Variants in STX17 observed in about 807,000 individuals in gnomAD.
STX17 encodes the protein syntaxin 17.
A neutral mutation model predicts 35.9 loss-of-function variants in STX17; 29 were observed. The observed-to-expected ratio is 0.81, with a 90% CI of 0.60 to 1.10. The LOEUF (loss-of-function observed/expected upper bound fraction) is 1.10. Among genes scored for constraint, STX17 ranks in the 50% least tolerant of loss-of-function variants. STX17 has a pLI of 0.00. For synonymous variants in STX17, 92 were observed against 118.3 expected (o/e 0.78, Z 1.44); for missense variants, 312 against 352.3 (o/e 0.89, Z 0.92).
At chr9:99,959,739 G>A (rs1829790127) in intron 4 of STX17, among the ~76,000 whole-genome samples, 178 bp from the exon 5 acceptor site, 1 of 152,262 alleles carries the variant, frequency 6.6e-6, no homozygotes, top group Admixed American at 6.5e-5. Flanking sequence ...GAGATTATAG[G>A]TGTGAGCCAC....
chr9:99,906,746 C>T (rs1037601242), intron 1 of STX17, 40 bp downstream of exon 1: 1 of 152,186 alleles, frequency 6.6e-6, no homozygotes, highest in Non-Finnish European at 1.5e-5. Context: ...GGGCGTCGGG[C>T]CCTCACAGGC....
intron 3 of STX17, among the ~76,000 whole-genome samples, chr9:99,934,608 A>G (rs929138947): frequency 1.3e-5 from 2 of 152,148 alleles, no homozygotes; most frequent in African/African-American, 2.4e-5. Context: ...GCAATAAATT[A>G]TATGCTGTCT....
rs1386362478 is a variant in STX17, at chr9:99,970,492, T to C, written c.*1819T>C. On this transcript the variant is annotated 3_prime_UTR_variant, in exon 8 of 8. Coordinates refer to ENST00000259400, the MANE Select transcript of STX17 (RefSeq NM_017919.3). ...ATAATTACTTTTGAATTACACCTCT[T>C]CTCTAGTTTCTGGACCTTGCTCTGT... Among the ~76,000 whole-genome samples the C allele has an allele frequency of 1.3e-5, 2 of 152,172 alleles. No homozygotes were observed. Among genetic ancestry groups the C allele is most frequent in the East Asian group, 3.9e-4 (2 of 5,188 alleles).
In STX17 at chr9:99,948,407, A is replaced by T. The variant is rs1399064459; in HGVS notation, c.190-2653A>T. Among the ~76,000 whole-genome samples, 8 of 152,054 alleles carry T rather than the reference A, an allele frequency of 5.3e-5. No homozygotes were observed. In the East Asian group the frequency reaches 1.5e-3, roughly 29 times the overall value. On this transcript the variant is annotated intron_variant, in intron 3 of 7. Transcript: ENST00000259400. ...AATTTAAAAAATTTTTAAATTACAT[A>T]TGTGGCTTGTGTGTGTGATTTGCAT... is the stretch of plus-strand genomic sequence containing the variant.
chr9:99,968,387 G>T (rs142926114), intron 7 of STX17, 47 bp from the exon 8 acceptor site: 72 of 1,516,070 alleles, frequency 4.7e-5, no homozygotes, highest in Non-Finnish European at 6.2e-5. Context: ...ACCACAGGCA[G>T]ATATTCTCAA....
rs1829963871 is a variant in STX17 at position 99,968,507 on chromosome 9, G to A, written c.743G>A (p.Gly248Asp). ...LIGGMVGGPI[G>D]LLAGFKVAGI... The stretch of plus-strand genomic sequence containing the variant: ...GGGGGAATGGTAGGGGGTCCTATTG[G>A]CCTCCTTGCAGGCTTCAAAGTGGCA... Residue 248 changes from glycine to aspartate, a missense_variant, in exon 8 of 8, where the codon GGC (glycine) becomes GAC (aspartate). Physicochemically the swap from Gly to Asp is moderately conservative, Grantham distance 94. Transcript: ENST00000259400. 6.2e-7 allele frequency: 1 copy of A among 1,612,798 alleles called. No homozygotes were observed. The highest frequency in any genetic ancestry group is 8.5e-7 in the Non-Finnish European group (1 of 1,179,328).
Position 99,967,475 on chromosome 9 carries a change from T to C in STX17, c.583-178T>C, listed in dbSNP as rs563817418. ...ACCTAATAATTAAGACCCCCCCCTTTTTTTTATGAAAGTTAATTTGTCCTT... is the reference window on the plus strand; with the variant it reads ...ACCTAATAATTAAGACCCCCCCCTTCTTTTTATGAAAGTTAATTTGTCCTT... On this transcript the variant is annotated intron_variant, in intron 6 of 7. Transcript: ENST00000259400. The C allele has an allele frequency of 7.6e-3, 2,753 of 363,092 alleles. 24 individuals carry two copies. Among genetic ancestry groups the C allele is most frequent in the Non-Finnish European group, 0.011 (2,166 of 197,550 alleles). The allele number at this position is 363,092 out of a possible 1,614,324, so 22.5% of individuals were successfully genotyped here. A position where few individuals can be genotyped will look rare whatever the true frequency, so the allele number is the denominator to read the frequency against.
At chr9:99,914,902 A>T (rs1770416092) in intron 1 of STX17, among the ~76,000 whole-genome samples, 1 of 152,214 alleles carries the variant, frequency 6.6e-6, no homozygotes, top group Admixed American at 6.5e-5. Flanking sequence ...TGTAAAGAGT[A>T]CATTTTGTAC....
Position 99,930,411 on chromosome 9 carries a change from G to T in STX17, c.189+1568G>T, listed in dbSNP as rs138968572. 7.5e-3 allele frequency among the ~76,000 whole-genome samples: 1,140 copies of T among 151,818 alleles called. 15 individuals are homozygous for T. The highest frequency in any genetic ancestry group is 0.026 in the African/African-American group (1,089 of 41,376). On this transcript the variant is annotated intron_variant, in intron 3 of 7. Transcript: ENST00000259400. ...GCCTCCCGAGTAGCTGGGACTACAG[G>T]CGCCCACCACCACGCCCAGCTAATT...
At chr9:99,959,241 A>T (rs770573175) in intron 4 of STX17, among the ~76,000 whole-genome samples, 8 of 152,090 alleles carry the variant, frequency 5.3e-5, no homozygotes, top group Non-Finnish European at 8.8e-5. Context: ...GACTGTGTAG[A>T]TTAAAAAAAT....
At chr9:99,931,015 C>T (rs1482093820) in intron 3 of STX17, among the ~76,000 whole-genome samples, 1 of 152,084 alleles carries the variant, frequency 6.6e-6, no homozygotes, top group South Asian at 2.1e-4. Flanking sequence ...CTCGCTCTTT[C>T]GCCCAGGCTG....
intron 4 of STX17, 32 bp downstream of exon 4, chr9:99,951,317 CACAGTAGT>C: frequency 2.5e-6 from 4 of 1,587,858 alleles, no homozygotes; most frequent in Non-Finnish European, 3.5e-6. Flanking sequence ...TATTCTCAGT[CACAGTAGT>C]GCAGTTAATT....
chr9:99,934,787 T>A (rs1366210180), intron 3 of STX17, among the ~76,000 whole-genome samples: 2 of 152,198 alleles, frequency 1.3e-5, no homozygotes, highest in Non-Finnish European at 2.9e-5. Context: ...ATCAATATTT[T>A]AAAAATGCAA....
chr9:99,925,768 C>T (rs545036052), intron 2 of STX17, among the ~76,000 whole-genome samples: 41 of 151,982 alleles, frequency 2.7e-4, no homozygotes, highest in South Asian at 1.2e-3. Flanking sequence ...TTTTTCTTCC[C>T]GTTTTTAAGA....
intron 4 of STX17, among the ~76,000 whole-genome samples, chr9:99,955,043 A>AC (rs775755909): frequency 2.0e-5 from 3 of 151,974 alleles, no homozygotes; most frequent in Non-Finnish European, 4.4e-5. Flanking sequence ...ATTGCTTTCC[A>AC]CCAAGTGAAG....
intron 2 of STX17, among the ~76,000 whole-genome samples, chr9:99,920,621 A>G (rs1241325433): frequency 2.0e-5 from 3 of 152,178 alleles, no homozygotes; most frequent in African/African-American, 7.2e-5. Context: ...CACTACTTCA[A>G]ACTACCTCTC....
chr9:99,913,783 G>C (rs1828704199), intron 1 of STX17, among the ~76,000 whole-genome samples: 1 of 151,878 alleles, frequency 6.6e-6, no homozygotes, highest in African/African-American at 2.4e-5. Context: ...TTTGAGCCTT[G>C]TATCAAACAT....
chr9:99,958,153 C>T (rs1829751707), intron 4 of STX17, among the ~76,000 whole-genome samples: 1 of 152,184 alleles, frequency 6.6e-6, no homozygotes, highest in Non-Finnish European at 1.5e-5. Flanking sequence ...CTATACTGAA[C>T]ATTTTTCAGT....
At position 99,967,669 on chromosome 9, in the gene STX17, T is replaced by C. The variant is rs1199870088; in HGVS notation, c.599T>C (p.Ile200Thr). The C allele has an allele frequency of 1.2e-6, 2 of 1,613,732 alleles. No homozygotes were observed. Among genetic ancestry groups the C allele is most frequent in the Non-Finnish European group, 1.7e-6 (2 of 1,179,884 alleles). Residue 200 changes from isoleucine to threonine, a missense_variant, in exon 7 of 8, where the codon ATT becomes ACT. Transcript: ENST00000259400. ...SLLVNSQQEK[I>T]DSIADHVNSA... ...TGCATCTAGTCTCAGCAGGAGAAGA[T>C]TGACAGCATTGCAGACCATGTCAAC...
Sources: allele counts gnomAD v4.1 joint callset (sites outside exome capture counted in the v4.1 genomes callset), GRCh38; gene constraint gnomAD v4.1.1; transcripts MANE v1.5; gene names NCBI Gene and HGNC (gene_info 2026-07-23, HGNC 2026-07-21).